SCML2: variants seen among roughly 807,000 people sequenced by gnomAD.
The protein encoded by SCML2 is sex comb on midleg-like protein 2.
A neutral mutation model predicts 48.4 loss-of-function variants in SCML2; 6 were observed. The ratio of observed to expected loss-of-function variants is 0.12; its 90% CI spans 0.07 to 0.24. The LOEUF (loss-of-function observed/expected upper bound fraction) is 0.24. SCML2 is among the 10% of genes least tolerant of loss of function. The probability of loss-of-function intolerance (pLI) is 1.00; values close to 1 mark genes in which losing one functional copy is unlikely to be tolerated. For synonymous variants in SCML2, 181 were observed against 189.5 expected (o/e 0.95, Z 0.37); for missense variants, 377 against 528.2 (o/e 0.71, Z 2.81).
intron 1 of SCML2, among the ~76,000 whole-genome samples, chrX:18,339,676 C>T (rs1327866763): frequency 8.1e-5 from 9 of 111,766 alleles, no homozygotes; most frequent in Non-Finnish European, 1.7e-4. Flanking sequence ...ATCACACCAC[C>T]ACTTCACTCC....
intron 7 of SCML2, among the ~76,000 whole-genome samples, chrX:18,289,132 C>G (rs1928152111): frequency 8.9e-6 from 1 of 111,807 alleles, no homozygotes; most frequent in African/African-American, 3.2e-5. Flanking sequence ...ACAAAGTTAT[C>G]CCCACCTGAT....
intron 13 of SCML2, among the ~76,000 whole-genome samples, chrX:18,243,063 G>T (rs945634086): frequency 9.0e-6 from 1 of 111,342 alleles, no homozygotes; most frequent in African/African-American, 3.3e-5. Context: ...GTTTTGTTTT[G>T]TTGTTGTTGT....
At position 18,320,322 on chromosome X, in the gene SCML2, T is replaced by A; in HGVS notation, c.486+10A>T. 1 of 1,069,247 alleles carries A rather than the reference T, an allele frequency of 9.4e-7. No individual in the cohort carries two copies. The highest frequency in any genetic ancestry group is 2.5e-5 in the Admixed American group (1 of 40,485). 88.1% of individuals were successfully genotyped at this position (1,069,247 alleles called of 1,213,427 possible). On this transcript the variant is annotated intron_variant, in intron 6 of 14. Transcript: ENST00000251900. ...AAAAACATGGCAGCTTTTTATAACA[T>A]CTTTCTTACCTTCTTAAATAATGTG...
At chrX:18,337,073 G>A (rs1288633158) in intron 1 of SCML2, among the ~76,000 whole-genome samples, 3 of 110,037 alleles carry the variant, frequency 2.7e-5, no homozygotes, top group Admixed American at 9.7e-5. Context: ...AGGCCAAGGC[G>A]GGTGGATCAC....
chrX:18,294,710 T>C (rs1569151518), intron 7 of SCML2, among the ~76,000 whole-genome samples: 1 of 110,335 alleles, frequency 9.1e-6, no homozygotes, highest in Non-Finnish European at 1.9e-5. Flanking sequence ...CCCAGCGAAG[T>C]GGCAAGATCC....
chrX:18,287,090 A>C (rs1602106999), intron 7 of SCML2, among the ~76,000 whole-genome samples: 1 of 111,552 alleles, frequency 9.0e-6, no homozygotes, highest in East Asian at 2.8e-4. Flanking sequence ...TTGATGGTCC[A>C]TGTAGGTTTC....
At chrX:18,337,983 A>AGAT (rs1394764658) in intron 1 of SCML2, among the ~76,000 whole-genome samples, 1 of 112,471 alleles carries the variant, frequency 8.9e-6, no homozygotes, top group Non-Finnish European at 1.9e-5. Context: ...AAATATTTGG[A>AGAT]GATTAATCAA....
intron 5 of SCML2, among the ~76,000 whole-genome samples, chrX:18,321,063 T>C (rs919708958): frequency 3.6e-5 from 4 of 111,342 alleles, no homozygotes; most frequent in Middle Eastern, 4.2e-3. Flanking sequence ...ATAAAGTAAA[T>C]ATAATAAAAT....
intron 7 of SCML2, among the ~76,000 whole-genome samples, chrX:18,304,631 G>A (rs1928699996): frequency 8.9e-6 from 1 of 112,074 alleles, no homozygotes; most frequent in South Asian, 3.7e-4. Flanking sequence ...GGAATACCAT[G>A]TATAATTTTT....
At chrX:18,271,719 T>C (rs1483066707) in intron 7 of SCML2, among the ~76,000 whole-genome samples, 8 of 108,885 alleles carry the variant, frequency 7.3e-5, no homozygotes, top group African/African-American at 2.7e-4. Flanking sequence ...ATATATACTA[T>C]GTACGAATTT....
At chrX:18,300,270 C>T (rs1197472553) in intron 7 of SCML2, among the ~76,000 whole-genome samples, 2 of 107,501 alleles carry the variant, frequency 1.9e-5, no homozygotes, top group East Asian at 5.9e-4. Flanking sequence ...TGTGATGGTG[C>T]GCACCTGTAG....
rs752080326 is a variant in SCML2 at position 18,321,801 on chromosome X, T to C, written c.398-1381A>G. Among the ~76,000 whole-genome samples the C allele has an allele frequency of 5.4e-5, 6 of 111,482 alleles. No individual in the cohort carries two copies. The South Asian group carries it at 1.9e-3, about 35-fold the overall frequency. On this transcript the variant is annotated intron_variant, in intron 5 of 14. Transcript: ENST00000251900. ...CTAAATGTAACATTTTACTTAATTC[T>C]GTAATTGCTTAAAGTCAAACATAGA...
At chrX:18,331,038 T>C (rs749870929) in intron 2 of SCML2, among the ~76,000 whole-genome samples, 5 of 109,564 alleles carry the variant, frequency 4.6e-5, no homozygotes, top group East Asian at 5.8e-4. Context: ...GGCAGGCAGA[T>C]CACATGAGGT....
chrX:18,320,956 G>C (rs1344859471), intron 5 of SCML2, among the ~76,000 whole-genome samples: 2 of 111,059 alleles, frequency 1.8e-5, no homozygotes, highest in Non-Finnish European at 3.8e-5. Context: ...AATATTTAGG[G>C]GACGTGCACT....
intron 5 of SCML2, among the ~76,000 whole-genome samples, chrX:18,321,039 TAGAC>T (rs756808921): frequency 4.5e-5 from 5 of 111,614 alleles, no homozygotes; most frequent in East Asian, 2.8e-4. Flanking sequence ...GGCAGATAGA[TAGAC>T]AGATATGTGA....
chrX:18,349,788 C>G (rs952164802), intron 1 of SCML2, among the ~76,000 whole-genome samples: 16 of 109,888 alleles, frequency 1.5e-4, no homozygotes, highest in Admixed American at 1.9e-4. Flanking sequence ...CAGAGCGAGA[C>G]TCCGTCTCAA....
At chrX:18,325,698 G>A (rs1028578255) in intron 3 of SCML2, among the ~76,000 whole-genome samples, 2 of 111,845 alleles carry the variant, frequency 1.8e-5, no homozygotes, top group African/African-American at 3.2e-5. Flanking sequence ...TGGCTTGAAC[G>A]TATCATTTCA....
intron 2 of SCML2, 74 bp downstream of exon 2, chrX:18,333,976 G>C: frequency 3.1e-6 from 3 of 959,816 alleles, no homozygotes; most frequent in Non-Finnish European, 4.3e-6. Flanking sequence ...TATTTCAAAA[G>C]TTCAGTATAC....
intron 6 of SCML2, among the ~76,000 whole-genome samples, chrX:18,307,685 T>C (rs2147524933): frequency 8.9e-6 from 1 of 111,811 alleles, no homozygotes; most frequent in East Asian, 2.8e-4. Context: ...GATTCAAATA[T>C]GTAACCTAGG....
Sources: gnomAD v4.1 joint callset for allele counts (sites outside exome capture counted in the v4.1 genomes callset) on GRCh38, gnomAD v4.1.1 for gene constraint, MANE v1.5 for transcripts, NCBI Gene and HGNC (gene_info 2026-07-23, HGNC 2026-07-21) for gene names.